The following PTPRD variants were observed in gnomAD, a reference collection of about 807,000 sequenced individuals.
PTPRD encodes protein tyrosine phosphatase receptor type D, also known as receptor-type tyrosine-protein phosphatase delta.
A neutral mutation model predicts 214.5 loss-of-function variants in PTPRD; 34 were observed. The ratio of observed to expected loss-of-function variants is 0.16; its 90% CI spans 0.12 to 0.21. The LOEUF is 0.21. PTPRD is among the 10% of genes least tolerant of loss of function. The probability of loss-of-function intolerance (pLI) is 1.00; values close to 1 mark genes in which losing one functional copy is unlikely to be tolerated. For missense variants in PTPRD, 2,545 were observed against 2,398.7 expected, an observed-to-expected ratio of 1.06 and a Z score of -1.27; for synonymous variants, 1,128 against 845.7, an observed-to-expected ratio of 1.33 and a Z score of -5.79.
At chr9:9,901,264 T>A (rs888462632) in intron 5 of PTPRD, among the ~76,000 whole-genome samples, 21 of 152,194 alleles carry the variant, frequency 1.4e-4, no homozygotes, top group African/African-American at 5.1e-4. Flanking sequence ...AATATGTCAT[T>A]ATAATTATAA....
intron 7 of PTPRD, among the ~76,000 whole-genome samples, chr9:9,719,192 C>A (rs557588928): frequency 6.6e-6 from 1 of 152,100 alleles, no homozygotes. Context: ...GGATGACCTG[C>A]CTGCAGATAG....
At chr9:9,159,124 G>C (rs974969563) in intron 10 of PTPRD, among the ~76,000 whole-genome samples, 4 of 152,142 alleles carry the variant, frequency 2.6e-5, no homozygotes, top group African/African-American at 9.7e-5. Flanking sequence ...AAACTTGAAA[G>C]CTTTTCCTTT....
intron 7 of PTPRD, among the ~76,000 whole-genome samples, chr9:9,695,843 T>C (rs942055793): frequency 1.3e-5 from 2 of 152,230 alleles, no homozygotes; most frequent in African/African-American, 4.8e-5. Flanking sequence ...TTATCAGGAA[T>C]ATTGACCTGT....
intron 5 of PTPRD, among the ~76,000 whole-genome samples, chr9:9,895,403 T>C (rs936996646): frequency 3.3e-5 from 5 of 152,104 alleles, no homozygotes; most frequent in Middle Eastern, 3.2e-3. Context: ...CTTATATGTA[T>C]CTGAATAGTT....
intron 8 of PTPRD, among the ~76,000 whole-genome samples, chr9:9,509,868 T>G (rs1430368102): frequency 1.3e-5 from 2 of 151,710 alleles, no homozygotes; most frequent in Non-Finnish European, 1.5e-5. Flanking sequence ...ATTTGCCTAT[T>G]TGGCCTTAGC....
At chr9:8,618,347 C>G (rs1393060576) in intron 14 of PTPRD, among the ~76,000 whole-genome samples, 1 of 152,046 alleles carries the variant, frequency 6.6e-6, no homozygotes, top group African/African-American at 2.4e-5. Flanking sequence ...GGCTTGGTAC[C>G]TTTCAATTAG....
rs182946012 is a variant in PTPRD, at chr9:8,848,491, G to A, written c.-103-114545C>T. ...GCTGAGACCACAAGTGCACACCACC[G>A]TATCTGGCAAATATTTTTTTTTTTT... On this transcript the variant is annotated intron_variant, in intron 11 of 45. Coordinates refer to ENST00000381196, the MANE Select transcript of PTPRD (RefSeq NM_002839.4). Among the ~76,000 whole-genome samples, 43 of 136,128 alleles carry A rather than the reference G, an allele frequency of 3.2e-4. No individual in the cohort carries two copies. The East Asian group carries it at 4.1e-3, about 13-fold the overall frequency. 89.3% of individuals were successfully genotyped at this position (136,128 alleles called of 152,430 possible).
chr9:10,365,213 A>G (rs1413645693), intron 2 of PTPRD, among the ~76,000 whole-genome samples: 1 of 152,208 alleles, frequency 6.6e-6, no homozygotes, highest in East Asian at 1.9e-4. Flanking sequence ...GCTTTTTAAA[A>G]CCACATACAG....
At chr9:8,734,980 G>C (rs1038576875) in intron 11 of PTPRD, among the ~76,000 whole-genome samples, 11 of 152,122 alleles carry the variant, frequency 7.2e-5, no homozygotes, top group South Asian at 2.1e-4. Flanking sequence ...GAAAACCTGA[G>C]TTTCCTGGTT....
intron 11 of PTPRD, among the ~76,000 whole-genome samples, chr9:8,932,810 G>A (rs537526253): frequency 1.3e-4 from 20 of 152,248 alleles, no homozygotes; most frequent in African/African-American, 4.6e-4. Context: ...GCTGGGCTCC[G>A]TGGGCGTGGA....
At chr9:8,630,413 A>T (rs2096215087) in intron 14 of PTPRD, among the ~76,000 whole-genome samples, 1 of 151,892 alleles carries the variant, frequency 6.6e-6, no homozygotes, top group Non-Finnish European at 1.5e-5. Flanking sequence ...CACTACTATT[A>T]ATAGAAATAA....
intron 7 of PTPRD, among the ~76,000 whole-genome samples, chr9:9,676,226 G>T (rs199930722): frequency 7.2e-5 from 11 of 152,016 alleles, no homozygotes; most frequent in African/African-American, 2.4e-4. Context: ...GCCGCACCCA[G>T]TAACTCGTCA....
chr9:9,158,869 T>G (rs2099883695), intron 10 of PTPRD, among the ~76,000 whole-genome samples: 1 of 152,152 alleles, frequency 6.6e-6, no homozygotes, highest in African/African-American at 2.4e-5. Flanking sequence ...CATGATCAAG[T>G]GGGATTTATC....
intron 2 of PTPRD, among the ~76,000 whole-genome samples, chr9:10,464,196 C>A (rs2098977853): frequency 6.6e-6 from 1 of 151,908 alleles, no homozygotes; most frequent in Non-Finnish European, 1.5e-5. Flanking sequence ...TCAGGAGTTT[C>A]AGACCAGCCT....
intron 7 of PTPRD, among the ~76,000 whole-genome samples, chr9:9,688,571 T>G (rs2097206156): frequency 6.6e-6 from 1 of 151,842 alleles, no homozygotes; most frequent in Admixed American, 6.6e-5. Flanking sequence ...TGCATACAGA[T>G]AAAGAAAATA....
At chr9:8,928,602 T>A (rs539948781) in intron 11 of PTPRD, among the ~76,000 whole-genome samples, 44 of 123,860 alleles carry the variant, frequency 3.6e-4, no homozygotes, top group African/African-American at 1.2e-3. Context: ...AGCCTTGTAG[T>A]ATAGTTTGAA....
Position 10,001,628 on chromosome 9 carries a change from C to A in PTPRD, c.-472+32090G>T, listed in dbSNP as rs564179443. ...TCAAAGCACTGAAGAAAAAGACTATCACATAAGAATTCTCTACCTAACAAA... is the reference window on the plus strand; with the variant it reads ...TCAAAGCACTGAAGAAAAAGACTATAACATAAGAATTCTCTACCTAACAAA... On this transcript the variant is annotated intron_variant, in intron 4 of 45. Coordinates refer to ENST00000381196, the MANE Select transcript of PTPRD (RefSeq NM_002839.4). Among the ~76,000 whole-genome samples the A allele has an allele frequency of 1.7e-3, 256 of 152,158 alleles. 3 individuals are homozygous for A. The highest frequency in any genetic ancestry group is 2.2e-3 in the Non-Finnish European group (148 of 67,982).
rs187365511 is a variant in PTPRD, at chr9:10,162,914, G to A, written c.-544-129124C>T. ...TTAGCCAGTACTTCAGGGAAAAAAT[G>A]TAAGCAAGATGTATTACTTAATGTC... is the stretch of plus-strand genomic sequence containing the variant. On this transcript the variant is annotated intron_variant, in intron 3 of 45. Coordinates refer to ENST00000381196, the MANE Select transcript of PTPRD (RefSeq NM_002839.4). Among the ~76,000 whole-genome samples, 680 of 150,342 alleles carry A rather than the reference G, an allele frequency of 4.5e-3. 12 individuals are homozygous for A. The highest frequency in any genetic ancestry group is 0.016 in the African/African-American group (641 of 41,176).
At chr9:8,647,877 A>G (rs1028821929) in intron 12 of PTPRD, among the ~76,000 whole-genome samples, 1 of 152,210 alleles carries the variant, frequency 6.6e-6, no homozygotes, top group African/African-American at 2.4e-5. Context: ...CAAACTAAGC[A>G]ACCAGTAAAT....
Sources: allele counts gnomAD v4.1 joint callset (sites outside exome capture counted in the v4.1 genomes callset), GRCh38; gene constraint gnomAD v4.1.1; transcripts MANE v1.5; gene names NCBI Gene and HGNC (gene_info 2026-07-23, HGNC 2026-07-21).